Variants in FRMD6 observed in about 807,000 individuals in gnomAD.
FRMD6 encodes FERM domain-containing protein 6.
FRMD6 carries 37 observed loss-of-function variants against 73.2 expected under a neutral mutation model. The observed-to-expected ratio is 0.51, with a 90% CI of 0.39 to 0.66. The LOEUF is 0.66. Among genes scored for constraint, FRMD6 ranks in the 30% least tolerant of loss-of-function variants. The pLI is 0.00. For synonymous variants in FRMD6, 273 were observed against 282.2 expected (o/e 0.97, Z 0.33); for missense variants, 714 against 780.5 (o/e 0.91, Z 1.02).
chr14:51,721,812 A>T, intron 11 of FRMD6, 137 bp from the exon 12 acceptor site: 1 of 816,972 alleles, frequency 1.2e-6, no homozygotes, highest in Non-Finnish European at 1.8e-6. Flanking sequence ...TGGTCCCTGG[A>T]GTTTCCTATT....
At chr14:51,720,016 T>G in intron 10 of FRMD6, 39 bp from the exon 11 acceptor site, 1 of 1,531,614 alleles carries the variant, frequency 6.5e-7, no homozygotes, top group Non-Finnish European at 8.9e-7. Context: ...CAGCCGTTCC[T>G]TCTGTCTTGG....
chr14:51,436,827 G>C, the FRMD6 span: 1 of 564,806 alleles, frequency 1.8e-6, no homozygotes, highest in African/African-American at 1.9e-5. Flanking sequence ...GATGAAGAAG[G>C]AGAAGGAGAA....
intron 9 of FRMD6, chr14:51,714,064 A>G (rs1224865208): frequency 6.6e-6 from 1 of 152,122 alleles, no homozygotes; most frequent in Non-Finnish European, 1.5e-5. Context: ...TGAGGAATCT[A>G]TTTTGACAAG....
intron 1 of FRMD6, among the ~76,000 whole-genome samples, chr14:51,679,103 G>A (rs1269128536): frequency 6.6e-6 from 1 of 152,058 alleles, no homozygotes. Context: ...TGATATGTAT[G>A]ATCAGATATG....
chr14:51,700,561 T>G (rs1896245281), intron 3 of FRMD6, among the ~76,000 whole-genome samples: 1 of 152,056 alleles, frequency 6.6e-6, no homozygotes, highest in Non-Finnish European at 1.5e-5. Flanking sequence ...TAAAGATTAG[T>G]CTTCACAAAA....
chr14:51,536,240 C>T (rs1244782294), intron 1 of FRMD6, among the ~76,000 whole-genome samples: 1 of 150,890 alleles, frequency 6.6e-6, no homozygotes, highest in Non-Finnish European at 1.5e-5. Flanking sequence ...ACTACATGCC[C>T]ATGCTACCAT....
At chr14:51,597,134 C>T (rs1338463987) in intron 2 of FRMD6, among the ~76,000 whole-genome samples, 1 of 152,174 alleles carries the variant, frequency 6.6e-6, no homozygotes, top group Non-Finnish European at 1.5e-5. Flanking sequence ...CAGCAACAGA[C>T]ATTATCTAAT....
chr14:51,666,056 A>G (rs752674224), intron 1 of FRMD6, among the ~76,000 whole-genome samples: 3 of 152,224 alleles, frequency 2.0e-5, no homozygotes, highest in Non-Finnish European at 4.4e-5. Context: ...GTGGGTGGTA[A>G]TCTATGATTA....
At chr14:51,567,330 G>C (rs761610763) in intron 1 of FRMD6, among the ~76,000 whole-genome samples, 2 of 152,146 alleles carry the variant, frequency 1.3e-5, no homozygotes, top group Non-Finnish European at 2.9e-5. Flanking sequence ...ATGCTACCAT[G>C]ACTACCCATC....
At chr14:51,681,050 A>C (rs766995821) in intron 1 of FRMD6, among the ~76,000 whole-genome samples, 1 of 152,214 alleles carries the variant, frequency 6.6e-6, no homozygotes, top group African/African-American at 2.4e-5. Context: ...TCTTTATTGC[A>C]ATAGAAAGTT....
rs185994498 is a variant in FRMD6, at chr14:51,629,611, G to C, written c.-147+59201G>C. On this transcript the variant is annotated intron_variant, in intron 2 of 14. Coordinates refer to the FRMD6 transcript ENST00000356218. ...AGAGTCTACTTTTCAATTTGTAACA[G>C]ACCCTTTGATGTCTTTAGAAGCAGA... 3.3e-5 allele frequency among the ~76,000 whole-genome samples: 5 copies of C among 152,268 alleles called. No homozygotes were observed. In the East Asian group the frequency reaches 9.6e-4, roughly 29 times the overall value.
intron 1 of FRMD6, among the ~76,000 whole-genome samples, chr14:51,652,868 A>G (rs1429336450): frequency 6.6e-6 from 1 of 152,236 alleles, no homozygotes; most frequent in African/African-American, 2.4e-5. Flanking sequence ...CTGGGACAGC[A>G]TAACCTAATG....
At chr14:51,505,446 C>T (rs1025290618) in intron 1 of FRMD6, among the ~76,000 whole-genome samples, 1 of 152,094 alleles carries the variant, frequency 6.6e-6, no homozygotes, top group African/African-American at 2.4e-5. Context: ...GGGAAAGGGG[C>T]TCACATGTCA....
In FRMD6 at chr14:51,677,384, G is replaced by T. The variant is rs539845927; in HGVS notation, c.-146-12307G>T. 1.3e-4 allele frequency among the ~76,000 whole-genome samples: 19 copies of T among 151,950 alleles called. 1 individual carries two copies. The highest frequency in any genetic ancestry group is 2.1e-4 in the Non-Finnish European group (14 of 67,986). ...CAAAGTCATTATCTAGAAAACTGCAGTTCCTGTGTCAGAGGGAATTGAGTG... is the reference window on the plus strand; with the variant it reads ...CAAAGTCATTATCTAGAAAACTGCATTTCCTGTGTCAGAGGGAATTGAGTG... On this transcript the variant is annotated intron_variant, in intron 1 of 13. Transcript: ENST00000344768.
chr14:51,407,018 C>A, the FRMD6 span, among the ~76,000 whole-genome samples: 1 of 152,044 alleles, frequency 6.6e-6, no homozygotes, highest in African/African-American at 2.4e-5. Flanking sequence ...TTTGAGCGTT[C>A]ATTGAAACTT....
At chr14:51,438,989 G>C in the FRMD6 span, among the ~76,000 whole-genome samples, 1 of 152,204 alleles carries the variant, frequency 6.6e-6, no homozygotes, top group Non-Finnish European at 1.5e-5. Flanking sequence ...ATATAAATCT[G>C]GGTGGGGTAA....
At position 51,677,697 on chromosome 14, in the gene FRMD6, T is replaced by C. The variant is rs371225334; in HGVS notation, c.-146-11994T>C. ...TCTTCTCTTATCCCCCAGCTTCCCA[T>C]AGGTACCCAAATTTTGGTTTTAATG... On this transcript the variant is annotated intron_variant, in intron 1 of 13. Transcript: ENST00000344768. Among the ~76,000 whole-genome samples, 29 of 152,242 alleles carry C rather than the reference T, an allele frequency of 1.9e-4. No individual in the cohort carries two copies. In the East Asian group the frequency reaches 5.4e-3, roughly 28 times the overall value.
intron 1 of FRMD6, among the ~76,000 whole-genome samples, chr14:51,509,514 G>A (rs1884170076): frequency 6.8e-6 from 1 of 146,834 alleles, no homozygotes; most frequent in Admixed American, 6.9e-5. Flanking sequence ...GCGACAGTGC[G>A]AGACTCCGTC....
intron 1 of FRMD6, among the ~76,000 whole-genome samples, chr14:51,508,664 G>T (rs190196983): frequency 3.9e-5 from 6 of 152,290 alleles, no homozygotes; most frequent in Admixed American, 1.3e-4. Flanking sequence ...GCTGTAGCCC[G>T]ACTGGAAAAT....
Sources: allele counts gnomAD v4.1 joint callset (sites outside exome capture counted in the v4.1 genomes callset), GRCh38; gene constraint gnomAD v4.1.1; transcripts MANE v1.5; gene names NCBI Gene and HGNC (gene_info 2026-07-23, HGNC 2026-07-21).